The following PCOLCE2 variants were observed in gnomAD, a reference collection of about 807,000 sequenced individuals.
The protein encoded by PCOLCE2 is procollagen C-endopeptidase enhancer 2.
A neutral mutation model predicts 47.0 loss-of-function variants in PCOLCE2; 42 were observed. That is an observed-to-expected ratio of 0.89 (90% CI 0.70 to 1.16). The LOEUF is 1.16. PCOLCE2 is among the 50% of genes most tolerant of loss of function. PCOLCE2 has a pLI of 0.00. For missense variants in PCOLCE2, 500 were observed against 526.1 expected, an observed-to-expected ratio of 0.95 and a Z score of 0.49; for synonymous variants, 169 against 191.7, an observed-to-expected ratio of 0.88 and a Z score of 0.98.
intron 8 of PCOLCE2, among the ~76,000 whole-genome samples, chr3:142,818,709 T>C (rs766667501): frequency 6.6e-6 from 1 of 152,166 alleles, no homozygotes; most frequent in African/African-American, 2.4e-5. Context: ...GACTCCAAAG[T>C]AGCTGGGACT....
chr3:142,857,906 C>G (rs1028587161), intron 2 of PCOLCE2, among the ~76,000 whole-genome samples: 1 of 152,246 alleles, frequency 6.6e-6, no homozygotes, highest in African/African-American at 2.4e-5. Flanking sequence ...CATCTACCCC[C>G]CAGCCATTTG....
chr3:142,858,013 C>G (rs1402277776), intron 2 of PCOLCE2, among the ~76,000 whole-genome samples: 1 of 152,186 alleles, frequency 6.6e-6, no homozygotes, highest in Admixed American at 6.5e-5. Flanking sequence ...CTGGAATATT[C>G]TTTCTTCCCT....
chr3:142,833,344 G>A (rs1002179058), intron 5 of PCOLCE2, among the ~76,000 whole-genome samples: 1 of 151,846 alleles, frequency 6.6e-6, no homozygotes, highest in African/African-American at 2.4e-5. Flanking sequence ...ACTACCAGGC[G>A]ACATTAATTG....
At chr3:142,869,918 C>T (rs563832072) in intron 2 of PCOLCE2, among the ~76,000 whole-genome samples, 93 of 152,328 alleles carry the variant, frequency 6.1e-4, no homozygotes, top group African/African-American at 2.2e-3. Context: ...GGTCATAGTC[C>T]TATTTGGTTC....
In PCOLCE2 at chr3:142,874,004, T is replaced by G. The variant is rs138678728; in HGVS notation, c.192+13665A>C. The stretch of plus-strand genomic sequence containing the variant: ...CAGGAGGAGCCTGGTGGGAGGTGAC[T>G]GGATCATGGGGGCGGTTCCCCCATG... On this transcript the variant is annotated intron_variant, in intron 2 of 8. Transcript: ENST00000295992. Among the ~76,000 whole-genome samples the G allele has an allele frequency of 5.8e-3, 885 of 152,328 alleles. 11 individuals carry two copies. Among genetic ancestry groups the G allele is most frequent in the African/African-American group, 0.021 (856 of 41,572 alleles).
chr3:142,831,173 G>T (rs1937147706), intron 5 of PCOLCE2, among the ~76,000 whole-genome samples: 1 of 152,256 alleles, frequency 6.6e-6, no homozygotes, highest in Non-Finnish European at 1.5e-5. Flanking sequence ...TTGAGAAATG[G>T]AACCTTTAAG....
Position 142,818,188 on chromosome 3 carries a change from C to T in PCOLCE2, c.*147G>A. 1 of 704,548 alleles carries T rather than the reference C, an allele frequency of 1.4e-6. No homozygotes were observed. Among genetic ancestry groups the T allele is most frequent in the Non-Finnish European group, 2.3e-6 (1 of 431,666 alleles). The allele number at this position is 704,548 out of a possible 1,614,324, so 43.6% of individuals were successfully genotyped here. A position where few individuals can be genotyped will look rare whatever the true frequency, so the allele number is the denominator to read the frequency against. ...CTCAGCTATCTCGGAGGCCTCATAC[C>T]TCCATCATGTGAAGAGTCAACCAGT... On this transcript the variant is annotated 3_prime_UTR_variant, in exon 9 of 9. Coordinates refer to ENST00000295992, the MANE Select transcript of PCOLCE2 (RefSeq NM_013363.4).
At chr3:142,845,091 CT>C (rs1937309099) in intron 3 of PCOLCE2, among the ~76,000 whole-genome samples, 1 of 152,002 alleles carries the variant, frequency 6.6e-6, no homozygotes, top group Non-Finnish European at 1.5e-5. Flanking sequence ...CTACTTTTTT[CT>C]ATTTGCTTTA....
intron 3 of PCOLCE2, among the ~76,000 whole-genome samples, chr3:142,847,208 G>A (rs1021767788): frequency 1.3e-5 from 2 of 152,180 alleles, no homozygotes; most frequent in Non-Finnish European, 2.9e-5. Context: ...TTTTGTGCCA[G>A]GCCAACTGGG....
At chr3:142,844,475 A>C (rs559567781) in intron 3 of PCOLCE2, among the ~76,000 whole-genome samples, 10 of 152,322 alleles carry the variant, frequency 6.6e-5, no homozygotes, top group African/African-American at 2.4e-4. Flanking sequence ...AACTTCATAA[A>C]AAACTACTGG....
rs779598836 is a variant in PCOLCE2 at position 142,821,030 on chromosome 3, A to T, written c.965T>A (p.Val322Asp). 5 of 1,610,494 alleles carry T rather than the reference A, an allele frequency of 3.1e-6. No individual in the cohort carries two copies. In the Admixed American group the frequency reaches 8.3e-5, roughly 27 times the overall value. ...CSSDFVLAGTVITTITRDGSL... is the reference protein window; with the variant it reads ...CSSDFVLAGTDITTITRDGSL... The stretch of plus-strand genomic sequence containing the variant: ...CCCATCGCGAGTGATGGTTGTGATA[A>T]CAGTGCCGGCTAATACTGCAGAAGA... Residue 322 changes from valine (V) to aspartate (D), a missense_variant, in exon 8 of 9, where the codon GTT (valine) becomes GAT (aspartate). Physicochemically the swap from Val to Asp is radical, Grantham distance 152. Transcript: ENST00000295992.
chr3:142,870,311 G>A (rs1933364301), intron 2 of PCOLCE2, among the ~76,000 whole-genome samples: 1 of 152,176 alleles, frequency 6.6e-6, no homozygotes, highest in African/African-American at 2.4e-5. Context: ...GATCACACTC[G>A]AGATCTAAAA....
intron 6 of PCOLCE2, among the ~76,000 whole-genome samples, chr3:142,828,655 T>A (rs1937112248): frequency 6.6e-6 from 1 of 152,210 alleles, no homozygotes; most frequent in Non-Finnish European, 1.5e-5. Context: ...CAAGTTTGTA[T>A]ATGCTTTCAT....
intron 5 of PCOLCE2, among the ~76,000 whole-genome samples, chr3:142,836,573 T>C (rs575822770): frequency 3.4e-4 from 52 of 152,370 alleles, no homozygotes; most frequent in African/African-American, 1.1e-3. Flanking sequence ...GAATGTTGTT[T>C]AGTGTTTATT....
At chr3:142,888,376 G>A (rs907584985) in intron 1 of PCOLCE2, among the ~76,000 whole-genome samples, 6 of 152,290 alleles carry the variant, frequency 3.9e-5, no homozygotes, top group Non-Finnish European at 8.8e-5. Flanking sequence ...TTTCCGGAGC[G>A]GCTCCCTAGG....
chr3:142,887,837 T>G, intron 1 of PCOLCE2, 60 bp from the exon 2 acceptor site: 4 of 915,464 alleles, frequency 4.4e-6, no homozygotes, highest in Non-Finnish European at 7.2e-6. Context: ...CAATCTGATG[T>G]TACCTTCAGA....
chr3:142,827,302 A>G (rs1578029470), intron 6 of PCOLCE2: 5 of 1,339,228 alleles, frequency 3.7e-6, no homozygotes, highest in Middle Eastern at 5.2e-4. Context: ...TCTTTGCCTT[A>G]TATTTGTGGT....
At chr3:142,835,614 A>G (rs35808329) in intron 5 of PCOLCE2, among the ~76,000 whole-genome samples, 58,521 of 151,744 alleles carry the variant, frequency 0.39, 11,693 homozygotes, top group Non-Finnish European at 0.42. Flanking sequence ...TATCTAGATG[A>G]TAGATACATT....
At chr3:142,886,286 C>A (rs1450086335) in intron 2 of PCOLCE2, among the ~76,000 whole-genome samples, 3 of 152,190 alleles carry the variant, frequency 2.0e-5, no homozygotes, top group African/African-American at 7.2e-5. Context: ...GAACACATGG[C>A]CAACCATGAA....
Sources: allele counts gnomAD v4.1 joint callset (sites outside exome capture counted in the v4.1 genomes callset), GRCh38; gene constraint gnomAD v4.1.1; transcripts MANE v1.5; gene names NCBI Gene and HGNC (gene_info 2026-07-23, HGNC 2026-07-21).